HEG1: variants seen among roughly 807,000 people sequenced by gnomAD.
HEG1 encodes heart development protein with EGF like domains 1.
Under a neutral mutation model 125.6 loss-of-function variants are expected in HEG1, and 56 were observed. The observed-to-expected ratio is 0.45, with a 90% CI of 0.36 to 0.56. HEG1 has a LOEUF of 0.56. HEG1 is among the 20% of genes least tolerant of loss of function. The pLI is 0.00. For missense variants in HEG1, 1,523 were observed against 1,670.0 expected, an observed-to-expected ratio of 0.91 and a Z score of 1.53; for synonymous variants, 644 against 668.5, an observed-to-expected ratio of 0.96 and a Z score of 0.57.
intron 1 of HEG1, among the ~76,000 whole-genome samples, chr3:125,048,926 AG>A (rs1197568190): frequency 6.6e-6 from 1 of 152,218 alleles, no homozygotes; most frequent in Admixed American, 6.5e-5. Context: ...CTAGGCTTCT[AG>A]CTTAAGGAAC....
chr3:124,974,528 T>C (rs1389202792), intron 15 of HEG1, among the ~76,000 whole-genome samples: 2 of 152,122 alleles, frequency 1.3e-5, no homozygotes, highest in East Asian at 1.9e-4. Flanking sequence ...ATTTCACAAG[T>C]CATAAAAACA....
intron 15 of HEG1, among the ~76,000 whole-genome samples, chr3:124,976,573 G>A (rs144152099): frequency 2.2e-4 from 33 of 151,782 alleles, no homozygotes; most frequent in African/African-American, 7.3e-4. Context: ...CATTTCCTAG[G>A]TGACTAATGA....
At chr3:125,004,640 C>T (rs1937046439) in intron 9 of HEG1, among the ~76,000 whole-genome samples, 1 of 152,004 alleles carries the variant, frequency 6.6e-6, no homozygotes, top group Non-Finnish European at 1.5e-5. Context: ...CACGTGCACG[C>T]CACCAACCCT....
chr3:125,033,591 G>C (rs1937518898), intron 1 of HEG1, among the ~76,000 whole-genome samples: 1 of 152,200 alleles, frequency 6.6e-6, no homozygotes, highest in Non-Finnish European at 1.5e-5. Flanking sequence ...TACCTCTGTG[G>C]TCTAAACTGA....
chr3:125,008,002 C>T (rs761348183), intron 8 of HEG1, among the ~76,000 whole-genome samples: 8 of 152,156 alleles, frequency 5.3e-5, no homozygotes, highest in South Asian at 4.2e-4. Context: ...CTCCAGCTGC[C>T]GGGTTCAAGC....
intron 14 of HEG1, 99 bp from the exon 15 acceptor site, chr3:124,978,045 TG>T (rs1936577669): frequency 1.2e-6 from 1 of 829,544 alleles, no homozygotes; most frequent in South Asian, 1.7e-5. Flanking sequence ...GTCACCACCC[TG>T]CCTTGAGGGG....
intron 3 of HEG1, among the ~76,000 whole-genome samples, chr3:125,024,660 T>A (rs113045520): frequency 1.1e-4 from 16 of 152,234 alleles, no homozygotes; most frequent in African/African-American, 3.6e-4. Context: ...CTGTAAGGCA[T>A]ACAATTTGGT....
rs1936401779 is a variant in HEG1 at position 124,970,281 on chromosome 3, A to C, written c.*371T>G. 1 of 177,218 alleles carries C rather than the reference A, an allele frequency of 5.6e-6. No individual in the cohort carries two copies. Among genetic ancestry groups the C allele is most frequent in the Admixed American group, 5.9e-5 (1 of 16,990 alleles). The allele number at this position is 177,218 out of a possible 1,614,324, so 11.0% of individuals were successfully genotyped here. On this transcript the variant is annotated 3_prime_UTR_variant, in exon 17 of 17. Transcript: ENST00000311127. Reference sequence around the variant, plus strand: ...GGAACAGTCTCAAAACAGATCCAAAAGGAAACCTCCCACCCAATTTACTAA... The same window carrying C: ...GGAACAGTCTCAAAACAGATCCAAACGGAAACCTCCCACCCAATTTACTAA...
At chr3:124,997,589 T>A in intron 12 of HEG1, 100 bp downstream of exon 12, 1 of 1,195,744 alleles carries the variant, frequency 8.4e-7, no homozygotes, top group Non-Finnish European at 1.1e-6. Flanking sequence ...TTTAGAATGG[T>A]CACGCCTAAG....
intron 14 of HEG1, among the ~76,000 whole-genome samples, chr3:124,986,006 G>GA (rs1369781877): frequency 6.6e-6 from 1 of 152,186 alleles, no homozygotes; most frequent in African/African-American, 2.4e-5. Flanking sequence ...TCGAACTCCT[G>GA]ACCTCAAGTG....
At chr3:125,023,191 C>T (rs1364072651) in intron 3 of HEG1, among the ~76,000 whole-genome samples, 3 of 151,312 alleles carry the variant, frequency 2.0e-5, no homozygotes, top group Non-Finnish European at 4.4e-5. Context: ...GAGACTTGGT[C>T]TCAAACAAAC....
chr3:125,036,861 AAC>A (rs371587944), intron 1 of HEG1, among the ~76,000 whole-genome samples: 41 of 152,372 alleles, frequency 2.7e-4, no homozygotes, highest in African/African-American at 9.4e-4. Context: ...AAATACAATT[AAC>A]ACAGTCCTTT....
chr3:125,021,199 A>G lies in HEG1; in HGVS notation c.914-69T>C, dbSNP rs564348043. The G allele has an allele frequency of 4.3e-4, 521 of 1,204,604 alleles. 2 individuals are homozygous for G. Among genetic ancestry groups the G allele is most frequent in the Non-Finnish European group, 2.9e-5 (25 of 865,898 alleles). 74.6% of individuals were successfully genotyped at this position (1,204,604 alleles called of 1,614,324 possible). ...AGAAAATCCGGACTATATTCGAGAT[A>G]CAAATGACGTTTCTTACATTTTGGT... On this transcript the variant is annotated intron_variant, in intron 3 of 16. Transcript: ENST00000311127.
intron 1 of HEG1, among the ~76,000 whole-genome samples, chr3:125,042,832 C>T (rs1258398327): frequency 1.3e-5 from 2 of 152,198 alleles, no homozygotes; most frequent in African/African-American, 4.8e-5. Flanking sequence ...ACCTTGGGGG[C>T]CTGTGGGAAG....
At chr3:125,019,164 G>A in intron 5 of HEG1, 98 bp downstream of exon 5, 4 of 1,013,584 alleles carry the variant, frequency 3.9e-6, no homozygotes, top group South Asian at 1.5e-5. Flanking sequence ...CACCACGCTA[G>A]GCCCTCATGC....
chr3:125,012,601 T>G, intron 6 of HEG1, 22 bp downstream of exon 6: 1 of 1,601,568 alleles, frequency 6.2e-7, no homozygotes, highest in Non-Finnish European at 8.5e-7. Flanking sequence ...AGTTAACATG[T>G]GCTTGTGTGA....
chr3:125,053,976 T>C (rs1424365003), intron 1 of HEG1, among the ~76,000 whole-genome samples: 1 of 152,212 alleles, frequency 6.6e-6, no homozygotes, highest in Non-Finnish European at 1.5e-5. Flanking sequence ...ACCTATCCCC[T>C]AACAAGATGG....
Position 125,019,413 on chromosome 3 carries a change from A to G in HEG1, c.1437T>C (p.Gly479=), listed in dbSNP as rs1261273764. Residue 479 remains glycine, a synonymous_variant, in exon 5 of 17, where the codon GGT becomes GGC. Transcript: ENST00000311127. The part of the protein sequence containing the change: ...VTGSSASYPE[G]VNASVLTQFS... ...ACTGGGTCAACACTGAAGCATTCACACCTTCAGGATATGAAGCAGAGCTTC... is the reference window on the plus strand; with the variant it reads ...ACTGGGTCAACACTGAAGCATTCACGCCTTCAGGATATGAAGCAGAGCTTC... 2 of 1,613,860 alleles carry G rather than the reference A, an allele frequency of 1.2e-6. No individual in the cohort carries two copies. Among genetic ancestry groups the G allele is most frequent in the Non-Finnish European group, 8.5e-7 (1 of 1,179,884 alleles).
chr3:124,972,779 G>A (rs1936468722), intron 16 of HEG1, among the ~76,000 whole-genome samples: 1 of 152,176 alleles, frequency 6.6e-6, no homozygotes, highest in African/African-American at 2.4e-5. Flanking sequence ...GCAGTTTACA[G>A]GAATATGACA....
Sources: gnomAD v4.1 joint callset for allele counts (sites outside exome capture counted in the v4.1 genomes callset) on GRCh38, gnomAD v4.1.1 for gene constraint, MANE v1.5 for transcripts, NCBI Gene and HGNC (gene_info 2026-07-23, HGNC 2026-07-21) for gene names.